The following DACH2 variants were observed in gnomAD, a reference collection of about 807,000 sequenced individuals.
The protein encoded by DACH2 is dachshund homolog 2.
DACH2 carries 17 observed loss-of-function variants against 35.8 expected under a neutral mutation model. The observed-to-expected ratio is 0.48, with a 90% confidence interval of 0.33 to 0.71. DACH2 has a LOEUF of 0.71. Ranked by LOEUF, DACH2 falls within the 30% of genes least tolerant of loss-of-function variation. The pLI is 0.02. For synonymous variants in DACH2, 195 were observed against 177.3 expected (o/e 1.10, Z -0.79); for missense variants, 469 against 472.7 (o/e 0.99, Z 0.07).
intron 2 of DACH2, among the ~76,000 whole-genome samples, chrX:86,378,443 A>G (rs1362059940): frequency 1.8e-5 from 2 of 110,334 alleles, no homozygotes; most frequent in East Asian, 5.7e-4. Context: ...ATGGTGAACC[A>G]GGGAGTATAT....
chrX:86,272,051 A>T (rs1180374823), intron 1 of DACH2, among the ~76,000 whole-genome samples: 1 of 111,282 alleles, frequency 9.0e-6, no homozygotes, highest in Non-Finnish European at 1.9e-5. Flanking sequence ...TTTACACATT[A>T]TTTAGCTCTC....
intron 1 of DACH2, among the ~76,000 whole-genome samples, chrX:86,218,398 C>G (rs1426745602): frequency 9.0e-6 from 1 of 111,386 alleles, no homozygotes. Flanking sequence ...CTATTAATTT[C>G]TCCTCATTAG....
intron 2 of DACH2, among the ~76,000 whole-genome samples, chrX:86,418,150 T>C (rs1392643209): frequency 8.9e-6 from 1 of 112,188 alleles, no homozygotes; most frequent in Non-Finnish European, 1.9e-5. Context: ...CTTTGCAGGG[T>C]ACAGCCTTCT....
chrX:86,783,178 T>C (rs1245108867), intron 7 of DACH2, among the ~76,000 whole-genome samples: 1 of 112,021 alleles, frequency 8.9e-6, no homozygotes, highest in African/African-American at 3.2e-5. Flanking sequence ...CTCAACATCA[T>C]TGATCATCAG....
chrX:86,311,644 A>G (rs987829779), intron 1 of DACH2, among the ~76,000 whole-genome samples: 30 of 111,438 alleles, frequency 2.7e-4, no homozygotes, highest in African/African-American at 9.5e-4. Context: ...TTCCTGCAAC[A>G]TTACGTTCTG....
chrX:86,202,960 ATAT>A (rs780089573), intron 1 of DACH2, among the ~76,000 whole-genome samples: 22 of 111,290 alleles, frequency 2.0e-4, no homozygotes, highest in Non-Finnish European at 4.0e-4. Context: ...CTAGTAGCAC[ATAT>A]TAATAATATT....
intron 1 of DACH2, 82 bp from the exon 2 acceptor site, chrX:86,376,742 C>A: frequency 1.9e-6 from 2 of 1,078,477 alleles, no homozygotes; most frequent in East Asian, 7.0e-5. Flanking sequence ...ATAATAAAGC[C>A]TTGCTTAATT....
chrX:86,370,179 G>A (rs769063232), intron 1 of DACH2, among the ~76,000 whole-genome samples: 2 of 111,245 alleles, frequency 1.8e-5, no homozygotes, highest in Non-Finnish European at 3.8e-5. Flanking sequence ...ATTACACATT[G>A]TGATAAGTGC....
intron 1 of DACH2, among the ~76,000 whole-genome samples, chrX:86,164,056 T>G (rs2030858495): frequency 1.8e-5 from 2 of 111,954 alleles, no homozygotes; most frequent in South Asian, 3.8e-4. Context: ...AGTGTATAAG[T>G]GTTCCCTTTT....
chrX:86,449,671 C>G (rs1054431113), intron 2 of DACH2, among the ~76,000 whole-genome samples: 19 of 110,792 alleles, frequency 1.7e-4, no homozygotes, highest in Non-Finnish European at 3.4e-4. Context: ...CAAGATTTTG[C>G]TTCATTGTTA....
At chrX:86,187,543 G>A (rs2031716912) in intron 1 of DACH2, among the ~76,000 whole-genome samples, 2 of 108,085 alleles carry the variant, frequency 1.9e-5, no homozygotes, top group Admixed American at 2.0e-4. Context: ...TCAGTCTCAT[G>A]AGTAGCTGGG....
intron 7 of DACH2, among the ~76,000 whole-genome samples, chrX:86,759,508 T>C (rs1002150881): frequency 3.6e-5 from 4 of 110,816 alleles, no homozygotes; most frequent in Non-Finnish European, 7.6e-5. Context: ...TCTGTGTATG[T>C]GTTTACAGGT....
At chrX:86,364,479 G>A (rs1381347539) in intron 1 of DACH2, among the ~76,000 whole-genome samples, 2 of 111,446 alleles carry the variant, frequency 1.8e-5, no homozygotes, top group Non-Finnish European at 1.9e-5. Flanking sequence ...GAAGCAATCC[G>A]AAATTCCTTG....
At chrX:86,392,436 A>C (rs1314392444) in intron 2 of DACH2, among the ~76,000 whole-genome samples, 1 of 112,127 alleles carries the variant, frequency 8.9e-6, no homozygotes, top group Admixed American at 9.5e-5. Flanking sequence ...GACTACAGAC[A>C]TAAGAATTAA....
chrX:86,397,561 T>C (rs2036323271), intron 2 of DACH2, among the ~76,000 whole-genome samples: 1 of 111,546 alleles, frequency 9.0e-6, no homozygotes, highest in South Asian at 3.8e-4. Context: ...TTGAGATACG[T>C]CCCATCAATA....
At position 86,211,777 on chromosome X, in the gene DACH2, C is replaced by T. The variant is rs1260108773; in HGVS notation, c.488+62669C>T. On this transcript the variant is annotated intron_variant, in intron 1 of 11. Coordinates refer to ENST00000373125, the MANE Select transcript of DACH2 (RefSeq NM_053281.3). ...AAATTTGGTACTTTGAGGCTTTCAT[C>T]TAAAGTATAAATTCAAGTGTGAGTT... 2.7e-5 allele frequency among the ~76,000 whole-genome samples: 3 copies of T among 111,637 alleles called. No individual in the cohort carries two copies. In the East Asian group the frequency reaches 8.5e-4, roughly 31 times the overall value.
intron 3 of DACH2, among the ~76,000 whole-genome samples, chrX:86,533,488 T>C (rs1307155184): frequency 8.9e-6 from 1 of 111,829 alleles, no homozygotes; most frequent in African/African-American, 3.2e-5. Context: ...CTGTTCTTCA[T>C]ATATCTCTTA....
chrX:86,439,381 C>T (rs1244465726), intron 2 of DACH2, among the ~76,000 whole-genome samples: 2 of 111,836 alleles, frequency 1.8e-5, no homozygotes, highest in Non-Finnish European at 3.8e-5. Context: ...ATTTCCTTTG[C>T]TGTGAATAAG....
chrX:86,814,794 G>A lies in DACH2; in HGVS notation c.1644G>A (p.Lys548=), dbSNP rs757547778. Residue 548 remains lysine (K), a synonymous_variant, in exon 10 of 12, where the codon AAG becomes AAA. Coordinates refer to ENST00000373125, the MANE Select transcript of DACH2 (RefSeq NM_053281.3). ...KRREQVEQAL[K]QATTSDSGLR... ...GGGAGCAAGTGGAGCAGGCACTTAA[G>A]CAAGCCACCACTAGTGACAGTGGCC... 8.3e-7 allele frequency: 1 copy of A among 1,211,286 alleles called. No homozygotes were observed. The highest frequency in any genetic ancestry group is 1.8e-5 in the South Asian group (1 of 56,880).
Sources: allele counts gnomAD v4.1 joint callset (sites outside exome capture counted in the v4.1 genomes callset), GRCh38; gene constraint gnomAD v4.1.1; transcripts MANE v1.5; gene names NCBI Gene and HGNC (gene_info 2026-07-23, HGNC 2026-07-21).